CNTN5: variants seen among roughly 807,000 people sequenced by gnomAD.
CNTN5 encodes the protein contactin-5.
A neutral mutation model predicts 129.1 loss-of-function variants in CNTN5; 77 were observed. The observed-to-expected ratio is 0.60, with a 90% CI of 0.50 to 0.72. The LOEUF is 0.72. CNTN5 is among the 30% of genes least tolerant of loss of function. CNTN5 has a pLI of 0.00. For synonymous variants in CNTN5, 509 were observed against 465.6 expected (o/e 1.09, Z -1.20); for missense variants, 1,478 against 1,328.8 (o/e 1.11, Z -1.75).
chr11:99,101,107 A>G (rs1866712364), intron 1 of CNTN5, among the ~76,000 whole-genome samples: 1 of 152,162 alleles, frequency 6.6e-6, no homozygotes, highest in African/African-American at 2.4e-5. Flanking sequence ...GGCAGGCAAG[A>G]GAGAGAAGGA....
intron 2 of CNTN5, among the ~76,000 whole-genome samples, chr11:99,368,641 T>C (rs987445060): frequency 6.6e-6 from 1 of 151,584 alleles, no homozygotes; most frequent in Non-Finnish European, 1.5e-5. Flanking sequence ...ACTTTACACA[T>C]ATAATTATCG....
At chr11:99,185,505 T>C (rs1311153313) in intron 1 of CNTN5, among the ~76,000 whole-genome samples, 2 of 151,960 alleles carry the variant, frequency 1.3e-5, no homozygotes. Flanking sequence ...GCCTATTCTT[T>C]TTTAGAAGAT....
chr11:100,020,637 A>G (rs181105438), intron 9 of CNTN5, among the ~76,000 whole-genome samples: 4 of 152,186 alleles, frequency 2.6e-5, no homozygotes, highest in Admixed American at 2.6e-4. Flanking sequence ...CATATGAATT[A>G]TCTCTGTTTG....
intron 1 of CNTN5, among the ~76,000 whole-genome samples, chr11:99,139,200 G>A (rs533463666): frequency 2.0e-5 from 3 of 151,528 alleles, no homozygotes; most frequent in African/African-American, 7.3e-5. Flanking sequence ...CTGGGAGGTG[G>A]AGATTGCAGT....
chr11:99,979,599 A>G (rs532743936), intron 8 of CNTN5, among the ~76,000 whole-genome samples: 2 of 152,180 alleles, frequency 1.3e-5, no homozygotes, highest in East Asian at 1.9e-4. Flanking sequence ...CTTCTTTACC[A>G]TAAGATCCTT....
chr11:99,557,682 G>A (rs954727357), intron 3 of CNTN5, among the ~76,000 whole-genome samples: 4 of 151,406 alleles, frequency 2.6e-5, no homozygotes, highest in Non-Finnish European at 5.9e-5. Flanking sequence ...TGTACCAAAA[G>A]TATAACTTCA....
intron 13 of CNTN5, among the ~76,000 whole-genome samples, chr11:100,157,029 T>C (rs1381709216): frequency 1.3e-5 from 2 of 152,102 alleles, no homozygotes; most frequent in Non-Finnish European, 2.9e-5. Context: ...TCTTGTCTTC[T>C]GCTAGCTTTT....
chr11:99,292,270 A>C (rs1346940416), intron 1 of CNTN5, among the ~76,000 whole-genome samples: 1 of 151,700 alleles, frequency 6.6e-6, no homozygotes, highest in Non-Finnish European at 1.5e-5. Flanking sequence ...AAAACACATA[A>C]AAAACTTCCA....
chr11:99,876,851 C>G (rs116585242), intron 6 of CNTN5, among the ~76,000 whole-genome samples: 1 of 152,080 alleles, frequency 6.6e-6, no homozygotes, highest in East Asian at 1.9e-4. Flanking sequence ...AACTCCATCA[C>G]CTTATTGCTA....
At chr11:99,362,928 C>G (rs1939211609) in intron 2 of CNTN5, among the ~76,000 whole-genome samples, 1 of 152,052 alleles carries the variant, frequency 6.6e-6, no homozygotes, top group Non-Finnish European at 1.5e-5. Context: ...TAGCCGTGCA[C>G]TGTTTTAAAA....
chr11:99,943,151 A>G (rs1236161810), intron 7 of CNTN5, among the ~76,000 whole-genome samples: 1 of 152,176 alleles, frequency 6.6e-6, no homozygotes, highest in African/African-American at 2.4e-5. Flanking sequence ...CATTCCCTCC[A>G]GTAGGTTAAA....
chr11:99,848,407 C>T (rs192135739), intron 6 of CNTN5, among the ~76,000 whole-genome samples: 1 of 152,066 alleles, frequency 6.6e-6, no homozygotes, highest in East Asian at 1.9e-4. Context: ...TTTATATCTA[C>T]CAGGCTTTAT....
intron 1 of CNTN5, among the ~76,000 whole-genome samples, chr11:99,251,572 A>G (rs1393051571): frequency 1.3e-5 from 2 of 151,948 alleles, no homozygotes; most frequent in African/African-American, 4.8e-5. Flanking sequence ...TCTAGATTTA[A>G]AAAATGAATT....
At chr11:99,492,293 A>G (rs1946066820) in intron 2 of CNTN5, among the ~76,000 whole-genome samples, 1 of 152,136 alleles carries the variant, frequency 6.6e-6, no homozygotes, top group Admixed American at 6.5e-5. Context: ...AGATCTACAT[A>G]TTTTGTGACA....
chr11:100,351,561 C>A (rs1020579298), intron 24 of CNTN5, among the ~76,000 whole-genome samples: 3 of 150,004 alleles, frequency 2.0e-5, no homozygotes, highest in African/African-American at 7.3e-5. Flanking sequence ...CACATATCTC[C>A]ATCACCACCA....
chr11:99,301,054 G>A (rs899833003), intron 1 of CNTN5, among the ~76,000 whole-genome samples: 6 of 151,694 alleles, frequency 4.0e-5, no homozygotes, highest in African/African-American at 9.7e-5. Context: ...ATCCAAATTG[G>A]ATTGCACTGA....
chr11:99,523,609 TAG>T (rs1476075444), intron 2 of CNTN5, among the ~76,000 whole-genome samples: 4 of 39,126 alleles, frequency 1.0e-4, no homozygotes, highest in Admixed American at 9.1e-4. Context: ...TAGAATAGAA[TAG>T]AATAGAATAG....
chr11:99,191,119 T>C (rs967730599), intron 1 of CNTN5, among the ~76,000 whole-genome samples: 3 of 151,860 alleles, frequency 2.0e-5, no homozygotes, highest in Non-Finnish European at 4.4e-5. Context: ...TGTTTCTTCA[T>C]TCTGTTGATG....
intron 21 of CNTN5, among the ~76,000 whole-genome samples, chr11:100,327,126 T>C (rs527525226): frequency 6.6e-6 from 1 of 152,376 alleles, no homozygotes; most frequent in South Asian, 2.1e-4. Context: ...ACTAACTTGA[T>C]ACCGCTGTGT....
Sources: gnomAD v4.1 joint callset for allele counts (sites outside exome capture counted in the v4.1 genomes callset) on GRCh38, gnomAD v4.1.1 for gene constraint, MANE v1.5 for transcripts, NCBI Gene and HGNC (gene_info 2026-07-23, HGNC 2026-07-21) for gene names.